Variants in SCP2 observed in about 807,000 individuals in gnomAD.
The protein encoded by SCP2 is sterol carrier protein 2.
Under a neutral mutation model 71.4 loss-of-function variants are expected in SCP2, and 48 were observed. The ratio of observed to expected loss-of-function variants is 0.67; its 90% CI spans 0.53 to 0.86. The LOEUF (loss-of-function observed/expected upper bound fraction) is 0.86, where lower values mean the gene tolerates loss of function less well. Among genes scored for constraint, SCP2 ranks in the 40% least tolerant of loss-of-function variants. The pLI, the probability that SCP2 is intolerant of heterozygous loss-of-function variation, is 0.00. For synonymous variants in SCP2, 220 were observed against 218.1 expected (o/e 1.01, Z -0.08); for missense variants, 560 against 655.6 (o/e 0.85, Z 1.59).
chr1:52,995,699 A>C, intron 11 of SCP2: 1 of 748,378 alleles, frequency 1.3e-6, no homozygotes, highest in Non-Finnish European at 2.5e-6. Context: ...GCAGAACCAG[A>C]ACAGCAGCTA....
At chr1:52,933,275 A>G (rs755211883) in intron 1 of SCP2, among the ~76,000 whole-genome samples, 3 of 152,168 alleles carry the variant, frequency 2.0e-5, no homozygotes, top group Non-Finnish European at 4.4e-5. Flanking sequence ...TTTAAAAGAG[A>G]TAGTAATTGC....
chr1:53,047,579 T>A (rs995639283), intron 14 of SCP2, among the ~76,000 whole-genome samples: 1 of 152,236 alleles, frequency 6.6e-6, no homozygotes, highest in Non-Finnish European at 1.5e-5. Context: ...TGTCAGTAAA[T>A]CCAGATCCAT....
chr1:52,995,296 A>T (rs1659848404), intron 11 of SCP2: 1 of 482,322 alleles, frequency 2.1e-6, no homozygotes, highest in Admixed American at 2.4e-5. Flanking sequence ...GTCGGTAGAG[A>T]ACACTGATGA....
chr1:52,984,393 T>A (rs1028006345), intron 10 of SCP2, among the ~76,000 whole-genome samples: 2 of 152,170 alleles, frequency 1.3e-5, no homozygotes, highest in Non-Finnish European at 2.9e-5. Flanking sequence ...TCAGGCAGTT[T>A]TTTTTATTTT....
intron 11 of SCP2, among the ~76,000 whole-genome samples, chr1:53,005,734 A>T (rs915377661): frequency 6.6e-6 from 1 of 152,256 alleles, no homozygotes; most frequent in Non-Finnish European, 1.5e-5. Context: ...AAAGGAGCAC[A>T]GCTCCTCACC....
At chr1:53,044,599 A>C (rs1279765753) in intron 14 of SCP2, among the ~76,000 whole-genome samples, 1 of 152,240 alleles carries the variant, frequency 6.6e-6, no homozygotes, top group African/African-American at 2.4e-5. Context: ...TACACATATA[A>C]GTAGTTTCAG....
chr1:52,991,265 G>C lies in SCP2; in HGVS notation c.1081+3129G>C, dbSNP rs72901332. ...ATATGTATGTAAAGTATATAGTAGA[G>C]TCCCCCAAAAAGAGTAGGAACACAA... On this transcript the variant is annotated intron_variant, in intron 11 of 15. Transcript: ENST00000371514. Among the ~76,000 whole-genome samples the C allele has an allele frequency of 7.4e-3, 1,126 of 152,250 alleles. 13 individuals are homozygous for C. Among genetic ancestry groups the C allele is most frequent in the African/African-American group, 0.026 (1,064 of 41,542 alleles).
chr1:52,934,386 A>G (rs1653465086), intron 1 of SCP2, among the ~76,000 whole-genome samples: 2 of 151,958 alleles, frequency 1.3e-5, no homozygotes, highest in Non-Finnish European at 2.9e-5. Flanking sequence ...TATAAAGTCA[A>G]AATTTGAAAG....
intron 3 of SCP2, among the ~76,000 whole-genome samples, chr1:52,948,574 G>A (rs926708951): frequency 3.5e-5 from 5 of 144,844 alleles, no homozygotes. Context: ...GTAGTGAGCC[G>A]AGATTGTGCC....
chr1:52,972,331 C>T lies in SCP2; in HGVS notation c.524-2438C>T, dbSNP rs984478366. ...AATTCAGAATCAGTAGTCAATAAGC[C>T]CTTCATCAGTGGCCAGGCTTAATAA... On this transcript the variant is annotated intron_variant, in intron 6 of 15. Coordinates refer to ENST00000371514, the MANE Select transcript of SCP2 (RefSeq NM_002979.5). Among the ~76,000 whole-genome samples the T allele has an allele frequency of 5.3e-5, 8 of 152,256 alleles. No homozygotes were observed. In the South Asian group the frequency reaches 6.2e-4, roughly 12 times the overall value.
At chr1:53,012,735 C>T (rs1661062528) in intron 11 of SCP2, among the ~76,000 whole-genome samples, 1 of 152,194 alleles carries the variant, frequency 6.6e-6, no homozygotes, top group South Asian at 2.1e-4. Flanking sequence ...TAAACTTTGA[C>T]CAGTTCTGTA....
chr1:52,956,569 G>A (rs916631551), intron 5 of SCP2, among the ~76,000 whole-genome samples: 1 of 152,138 alleles, frequency 6.6e-6, no homozygotes, highest in Non-Finnish European at 1.5e-5. Flanking sequence ...AGATAATTTA[G>A]GAGTGGGTAA....
chr1:52,929,197 C>CTTAT (rs1652886954), intron 1 of SCP2, among the ~76,000 whole-genome samples: 1 of 135,914 alleles, frequency 7.4e-6, no homozygotes, highest in Non-Finnish European at 1.6e-5. Context: ...CACTGTAACA[C>CTTAT]TTTTTTTTTT....
At chr1:52,980,623 C>A in intron 10 of SCP2, 80 bp downstream of exon 10, 2 of 1,343,718 alleles carry the variant, frequency 1.5e-6, no homozygotes, top group South Asian at 1.2e-5. Flanking sequence ...TAAAAGAATT[C>A]ACTATTCACT....
At chr1:52,966,078 GA>G (rs1656925181) in intron 6 of SCP2, among the ~76,000 whole-genome samples, 1 of 152,110 alleles carries the variant, frequency 6.6e-6, no homozygotes, top group Non-Finnish European at 1.5e-5. Flanking sequence ...TCTACAAAAA[GA>G]GATGGTTTTA....
intron 11 of SCP2, among the ~76,000 whole-genome samples, chr1:52,999,262 T>C (rs1454030033): frequency 2.0e-5 from 3 of 152,252 alleles, no homozygotes; most frequent in Non-Finnish European, 4.4e-5. Flanking sequence ...TTCAGACTTA[T>C]TGAATTTATA....
chr1:53,050,840 A>G lies in SCP2; in HGVS notation c.*136A>G. 1.4e-6 allele frequency: 1 copy of G among 691,360 alleles called. No homozygotes were observed. Among genetic ancestry groups the G allele is most frequent in the Admixed American group, 2.1e-5 (1 of 47,924 alleles). 42.8% of individuals were successfully genotyped at this position (691,360 alleles called of 1,614,324 possible). On this transcript the variant is annotated 3_prime_UTR_variant, in exon 16 of 16. Transcript: ENST00000371514. ...ATAGATTTGTTTCTTAATGGGTGTG[A>G]CCAATCCTGTTTTTCCTATGCTCTG...
chr1:52,987,004 ATATT>A (rs1396717749), intron 10 of SCP2, among the ~76,000 whole-genome samples: 24 of 93,742 alleles, frequency 2.6e-4, no homozygotes, highest in African/African-American at 1.1e-3. Context: ...ATATATATAT[ATATT>A]TTTTTTTTTT....
chr1:53,042,449 C>A (rs1663505840), intron 14 of SCP2, among the ~76,000 whole-genome samples: 1 of 152,026 alleles, frequency 6.6e-6, no homozygotes, highest in African/African-American at 2.4e-5. Flanking sequence ...TTTGGAAAAG[C>A]TGTGTTCCCT....
Sources: allele counts gnomAD v4.1 joint callset (sites outside exome capture counted in the v4.1 genomes callset), GRCh38; gene constraint gnomAD v4.1.1; transcripts MANE v1.5; gene names NCBI Gene and HGNC (gene_info 2026-07-23, HGNC 2026-07-21).